Variants in NOL4L observed in about 807,000 individuals in gnomAD.
NOL4L encodes nucleolar protein 4 like.
A neutral mutation model predicts 64.5 loss-of-function variants in NOL4L; 7 were observed. The ratio of observed to expected loss-of-function variants is 0.11; its 90% CI spans 0.06 to 0.20. NOL4L has a LOEUF of 0.20. Among genes scored for constraint, NOL4L ranks in the 10% least tolerant of loss-of-function variants. NOL4L has a pLI of 1.00. For missense variants in NOL4L, 680 were observed against 967.1 expected, an observed-to-expected ratio of 0.70 and a Z score of 3.94; for synonymous variants, 413 against 401.0, an observed-to-expected ratio of 1.03 and a Z score of -0.36.
chr20:32,514,681 G>A (rs971711132), intron 3 of NOL4L, among the ~76,000 whole-genome samples: 3 of 151,980 alleles, frequency 2.0e-5, no homozygotes, highest in African/African-American at 7.3e-5. Flanking sequence ...CTTAACCTCA[G>A]TGGGGTTTTA....
chr20:32,495,295 G>A (rs942801038), intron 4 of NOL4L, among the ~76,000 whole-genome samples: 2 of 152,240 alleles, frequency 1.3e-5, no homozygotes, highest in African/African-American at 4.8e-5. Flanking sequence ...ATGACCATGG[G>A]GCTGGCAGGG....
intron 1 of NOL4L, among the ~76,000 whole-genome samples, chr20:32,566,884 G>A (rs533195224): frequency 6.6e-6 from 1 of 152,338 alleles, no homozygotes; most frequent in South Asian, 2.1e-4. Flanking sequence ...TCAGCTCTAT[G>A]AGGACAGGGA....
At position 32,488,880 on chromosome 20, in the gene NOL4L, T is replaced by C. The variant is rs565326197; in HGVS notation, c.700-14138A>G. On this transcript the variant is annotated intron_variant, in intron 4 of 10. Coordinates refer to ENST00000621426, the MANE Select transcript of NOL4L (RefSeq NM_001256798.2). ...CTTTCTTTCTTTCTTTCTTTCTTTC[T>C]TTCTTTCTTTCTTTCCTCTCTCTTT... Among the ~76,000 whole-genome samples, 145 of 99,962 alleles carry C rather than the reference T, an allele frequency of 1.5e-3. 1 individual carries two copies. In the Middle Eastern group the frequency reaches 0.017, roughly 12 times the overall value. 65.6% of individuals were successfully genotyped at this position (99,962 alleles called of 152,430 possible).
chr20:32,474,098 G>A (rs1053407746), intron 5 of NOL4L, among the ~76,000 whole-genome samples: 2 of 152,202 alleles, frequency 1.3e-5, no homozygotes, highest in Admixed American at 6.5e-5. Context: ...GGAAGAATCC[G>A]GACAGCTCCC....
chr20:32,555,521 C>T (rs1172018172), intron 1 of NOL4L, among the ~76,000 whole-genome samples: 4 of 151,772 alleles, frequency 2.6e-5, no homozygotes, highest in African/African-American at 7.3e-5. Context: ...TGGTCTCAAC[C>T]CCCTGGGTTC....
At chr20:32,578,946 G>A (rs1196157841) in intron 1 of NOL4L, among the ~76,000 whole-genome samples, 1 of 152,212 alleles carries the variant, frequency 6.6e-6, no homozygotes, top group African/African-American at 2.4e-5. Context: ...ACAAGGAGAT[G>A]CCTTGGCTGC....
At chr20:32,550,032 A>G (rs575796636) in intron 1 of NOL4L, among the ~76,000 whole-genome samples, 1 of 152,376 alleles carries the variant, frequency 6.6e-6, no homozygotes, top group East Asian at 1.9e-4. Flanking sequence ...CTGTTGAATA[A>G]ATAAATAACA....
At chr20:32,478,716 C>T (rs1293567972) in intron 4 of NOL4L, among the ~76,000 whole-genome samples, 4 of 152,164 alleles carry the variant, frequency 2.6e-5, no homozygotes, top group South Asian at 2.1e-4. Flanking sequence ...CTCAGCCTCC[C>T]GAGGAGCTGG....
chr20:32,458,356 C>A (rs574375951), intron 5 of NOL4L, among the ~76,000 whole-genome samples: 1 of 152,356 alleles, frequency 6.6e-6, no homozygotes, highest in South Asian at 2.1e-4. Context: ...CCACTTCAGG[C>A]TGGCACTTTT....
chr20:32,576,825 G>C (rs1403744413), intron 1 of NOL4L, among the ~76,000 whole-genome samples: 1 of 152,254 alleles, frequency 6.6e-6, no homozygotes, highest in African/African-American at 2.4e-5. Context: ...CTCCCACAAG[G>C]CTGGGTCTGG....
intron 1 of NOL4L, among the ~76,000 whole-genome samples, chr20:32,566,638 T>C (rs1375236900): frequency 6.6e-6 from 1 of 152,170 alleles, no homozygotes; most frequent in Non-Finnish European, 1.5e-5. Flanking sequence ...GGAATGTTTT[T>C]CCACCCAATT....
chr20:32,527,883 T>C lies in NOL4L; in HGVS notation c.352A>G (p.Ile118Val). ...ACCACAGCGACCCGCTTCAGAGAGA[T>C]GCCCTCTGGCTCCGACAGGCCATCT... is the stretch of plus-strand genomic sequence containing the variant. ...GADGLSEPEG[I>V]SLKRVAVVED... The change falls in exon 2 of 11, where the codon ATC (isoleucine) becomes GTC (valine). Residue 118 changes from isoleucine (I) to valine (V), a missense_variant. This residue lies in a region of NOL4L where 181 missense variants were observed against 335.2 expected (regional missense o/e 0.54). Transcript: ENST00000621426. 6.4e-7 allele frequency: 1 copy of C among 1,550,534 alleles called. No homozygotes were observed. The highest frequency in any genetic ancestry group is 8.7e-7 in the Non-Finnish European group (1 of 1,146,952).
chr20:32,448,375 C>G (rs1364637619), intron 10 of NOL4L, among the ~76,000 whole-genome samples: 1 of 152,196 alleles, frequency 6.6e-6, no homozygotes, highest in African/African-American at 2.4e-5. Flanking sequence ...GAAGAAACAT[C>G]TGTGTGCCCA....
chr20:32,544,803 GCTATCAA>G (rs2145600744), intron 1 of NOL4L, among the ~76,000 whole-genome samples: 1 of 152,306 alleles, frequency 6.6e-6, no homozygotes, highest in Admixed American at 6.5e-5. Context: ...GTTCCCCTTT[GCTATCAA>G]CAGCCTTGGT....
At position 32,463,002 on chromosome 20, in the gene NOL4L, T is replaced by G. The variant is rs1742982; in HGVS notation, c.842-6607A>C. Reference sequence around the variant, plus strand: ...AGTGGGGCCCGGGCAGGGATGGTGCTGGTGTAGGGTCCTGCAGTCTGGGCG... The same window carrying G: ...AGTGGGGCCCGGGCAGGGATGGTGCGGGTGTAGGGTCCTGCAGTCTGGGCG... On this transcript the variant is annotated intron_variant, in intron 5 of 10. Transcript: ENST00000621426. This position sits in a 1 kb window ranked among gnomAD's most constrained non-coding sequence, Gnocchi z 5.8. Among the ~76,000 whole-genome samples the G allele has an allele frequency of 0.97, 147,913 of 151,772 alleles. 72,101 individuals carry two copies. Among genetic ancestry groups the G allele is most frequent in the Middle Eastern group, 1 (294 of 294 alleles).
intron 4 of NOL4L, among the ~76,000 whole-genome samples, chr20:32,489,208 C>G (rs1354997154): frequency 1.3e-5 from 2 of 151,182 alleles, no homozygotes; most frequent in East Asian, 2.0e-4. Context: ...AAGTAATTCA[C>G]CTATATTTTC....
At chr20:32,525,588 T>C (rs575170519) in intron 2 of NOL4L, among the ~76,000 whole-genome samples, 1 of 151,868 alleles carries the variant, frequency 6.6e-6, no homozygotes, top group South Asian at 2.1e-4. Flanking sequence ...CTCAGCACAA[T>C]GGTGAATTTT....
chr20:32,518,621 G>A (rs1446392623), intron 3 of NOL4L, among the ~76,000 whole-genome samples: 3 of 152,218 alleles, frequency 2.0e-5, no homozygotes, highest in Non-Finnish European at 2.9e-5. Context: ...TCTTGGCTTC[G>A]CCTCTGTTCC....
intron 4 of NOL4L, among the ~76,000 whole-genome samples, chr20:32,495,390 C>A (rs1450627725): frequency 6.6e-6 from 1 of 152,146 alleles, no homozygotes; most frequent in Non-Finnish European, 1.5e-5. Flanking sequence ...TCTTCGGCAC[C>A]GCAAGCCAAA....
Sources: gnomAD v4.1 joint callset for allele counts (sites outside exome capture counted in the v4.1 genomes callset) on GRCh38, gnomAD v4.1.1 for gene constraint, gnomAD v4.1.1 regional missense constraint, Gnocchi (gnomAD v3.1) non-coding constraint, MANE v1.5 for transcripts, NCBI Gene and HGNC (gene_info 2026-07-23, HGNC 2026-07-21) for gene names.